Variants in CSPP1 observed in about 807,000 individuals in gnomAD.
CSPP1 encodes the protein centrosome and spindle pole associated protein 1, also known as centrosome and spindle pole-associated protein 1.
In CSPP1, 126 loss-of-function variants were observed where a neutral mutation model predicts 164.4. That is an observed-to-expected ratio of 0.77 (90% confidence interval 0.66 to 0.89). The LOEUF is 0.89. Among genes scored for constraint, CSPP1 ranks in the 40% least tolerant of loss-of-function variants. The pLI, the probability that CSPP1 is intolerant of heterozygous loss-of-function variation, is 0.00. For missense variants in CSPP1, 1,395 were observed against 1,449.8 expected, an observed-to-expected ratio of 0.96 and a Z score of 0.61; for synonymous variants, 472 against 476.7, an observed-to-expected ratio of 0.99 and a Z score of 0.13.
At chr8:67,078,743 A>G (rs1808495737) in intron 3 of CSPP1, among the ~76,000 whole-genome samples, 1 of 151,984 alleles carries the variant, frequency 6.6e-6, no homozygotes, top group Admixed American at 6.5e-5. Flanking sequence ...GGCTGAGGCC[A>G]GCAGATCACT....
chr8:67,085,192 G>A (rs983524101), intron 3 of CSPP1, among the ~76,000 whole-genome samples: 1 of 152,158 alleles, frequency 6.6e-6, no homozygotes, highest in East Asian at 1.9e-4. Context: ...GTACAACATT[G>A]TAAATGTACT....
intron 9 of CSPP1, 35 bp downstream of exon 9, chr8:67,106,010 TAG>T: frequency 9.6e-7 from 1 of 1,043,742 alleles, no homozygotes; most frequent in East Asian, 2.4e-5. Flanking sequence ...TGCGCTTGTA[TAG>T]AGTGTCTTAT....
intron 21 of CSPP1, 115 bp downstream of exon 21, chr8:67,159,252 C>T (rs1827253273): frequency 2.1e-6 from 2 of 962,652 alleles, no homozygotes; most frequent in East Asian, 4.8e-5. Flanking sequence ...TGTTCCTGTT[C>T]TGTCTTACTG....
At chr8:67,090,630 C>A (rs1811414963) in intron 4 of CSPP1, among the ~76,000 whole-genome samples, 1 of 152,176 alleles carries the variant, frequency 6.6e-6, no homozygotes, top group Non-Finnish European at 1.5e-5. Context: ...TAATTACTAT[C>A]TTTCCATAAT....
chr8:67,117,761 C>T (rs1818221387), intron 13 of CSPP1, among the ~76,000 whole-genome samples: 1 of 152,180 alleles, frequency 6.6e-6, no homozygotes, highest in Non-Finnish European at 1.5e-5. Context: ...AGCGTTGCCT[C>T]TTCTGGAAAG....
chr8:67,193,046 G>A (rs921421922), intron 29 of CSPP1, among the ~76,000 whole-genome samples: 2 of 152,120 alleles, frequency 1.3e-5, no homozygotes, highest in Admixed American at 6.6e-5. Context: ...CATAATATAC[G>A]TGCTCTATAT....
rs1472257760 is a variant in CSPP1 at position 67,196,467 on chromosome 8, T to TCTGA, written c.*877_*880dup. Among the ~76,000 whole-genome samples the TCTGA allele has an allele frequency of 2.6e-5, 4 of 152,200 alleles. No individual in the cohort carries two copies. Among genetic ancestry groups the TCTGA allele is most frequent in the Admixed American group, 2.6e-4 (4 of 15,282 alleles). ...AGAGTCATTCAAATAATTGTGACAT[T>TCTGA]CTGACTCAGATTAGAATCTCAGAAC... On this transcript the variant is annotated 3_prime_UTR_variant, in exon 31 of 31. Coordinates refer to ENST00000678616, the MANE Select transcript of CSPP1 (RefSeq NM_001382391.1).
intron 5 of CSPP1, among the ~76,000 whole-genome samples, chr8:67,092,607 C>A (rs949754600): frequency 6.6e-6 from 1 of 152,018 alleles, no homozygotes; most frequent in African/African-American, 2.4e-5. Context: ...CCAAGCCCCG[C>A]TAATTTTTTG....
At chr8:67,153,343 A>G (rs2129558865) in intron 18 of CSPP1, among the ~76,000 whole-genome samples, 1 of 152,336 alleles carries the variant, frequency 6.6e-6, no homozygotes, top group East Asian at 1.9e-4. Context: ...CTCTAAGGGT[A>G]TAATTGTTTT....
chr8:67,195,531 C>T lies in CSPP1; in HGVS notation c.3619C>T (p.Gln1207Ter), dbSNP rs936435444. Reference sequence around the variant, plus strand: ...GGCAGAGCAGCTGAACCAGGAGCAGCAGCAGATTCCTGGAAAACCAGGCAC... The same window carrying T: ...GGCAGAGCAGCTGAACCAGGAGCAGTAGCAGATTCCTGGAAAACCAGGCAC... ...FMAEQLNQEQQQIPGKPGTFT... is the reference protein window; with the variant it reads ...FMAEQLNQEQ Residue 1207 changes from glutamine to a stop codon, truncating the protein, a stop_gained, in exon 31 of 31, where the codon CAG becomes TAG. Coordinates refer to ENST00000678616, the MANE Select transcript of CSPP1 (RefSeq NM_001382391.1). LOFTEE classifies it high-confidence loss of function. The T allele has an allele frequency of 4.3e-6, 7 of 1,614,084 alleles. No individual in the cohort carries two copies. Among genetic ancestry groups the T allele is most frequent in the Non-Finnish European group, 5.9e-6 (7 of 1,180,048 alleles).
intron 7 of CSPP1, among the ~76,000 whole-genome samples, chr8:67,096,124 C>T (rs1320680484): frequency 6.6e-6 from 1 of 152,222 alleles, no homozygotes; most frequent in Non-Finnish European, 1.5e-5. Flanking sequence ...TTCAAGTTCA[C>T]AGTCCGAATT....
rs1481133590 is a variant in CSPP1 at position 67,196,439 on chromosome 8, GAA to G, written c.*848_*849del. Among the ~76,000 whole-genome samples, 1 of 151,816 alleles carries G rather than the reference GAA, an allele frequency of 6.6e-6. No individual in the cohort carries two copies. The highest frequency in any genetic ancestry group is 1.5e-5 in the Non-Finnish European group (1 of 68,028). On this transcript the variant is annotated 3_prime_UTR_variant, in exon 31 of 31. Coordinates refer to ENST00000678616, the MANE Select transcript of CSPP1 (RefSeq NM_001382391.1). The stretch of plus-strand genomic sequence containing the variant: ...TCAGTAAGTGATACTTCTAAAAAAG[GAA>G]AGAGTCATTCAAATAATTGTGACAT...
intron 8 of CSPP1, among the ~76,000 whole-genome samples, chr8:67,105,590 G>A (rs1158576344): frequency 6.6e-6 from 1 of 151,848 alleles, no homozygotes; most frequent in African/African-American, 2.4e-5. Context: ...CACCATATTG[G>A]CCAGGCTGGT....
intron 7 of CSPP1, 114 bp downstream of exon 7, chr8:67,095,846 A>C (rs1812644656): frequency 3.1e-6 from 2 of 649,062 alleles, no homozygotes; most frequent in East Asian, 5.6e-5. Flanking sequence ...GATTTATCAT[A>C]ATTAATTCTA....
chr8:67,119,804 A>G (rs577706209), intron 15 of CSPP1, among the ~76,000 whole-genome samples: 7 of 152,182 alleles, frequency 4.6e-5, no homozygotes, highest in Admixed American at 1.3e-4. Context: ...TGTATCAGGT[A>G]TTTGATTTGA....
chr8:67,150,465 C>G (rs1825503788), intron 18 of CSPP1, among the ~76,000 whole-genome samples: 1 of 151,706 alleles, frequency 6.6e-6, no homozygotes, highest in South Asian at 2.1e-4. Context: ...AGTGCAGTGG[C>G]ATAATCTCAG....
chr8:67,172,276 G>T (rs1280645858), intron 24 of CSPP1, 140 bp from the exon 25 acceptor site: 2 of 574,914 alleles, frequency 3.5e-6, no homozygotes, highest in Non-Finnish European at 6.0e-6. Flanking sequence ...TTACAAGTGT[G>T]AGCCACAGCA....
intron 27 of CSPP1, 99 bp downstream of exon 27, chr8:67,177,825 A>G (rs1832051047): frequency 2.3e-6 from 2 of 854,562 alleles, no homozygotes; most frequent in Non-Finnish European, 2.0e-6. Flanking sequence ...TTATTCAGGA[A>G]TATTGAATTA....
chr8:67,154,517 C>T (rs888939298), intron 19 of CSPP1, among the ~76,000 whole-genome samples: 2 of 152,134 alleles, frequency 1.3e-5, no homozygotes, highest in Non-Finnish European at 2.9e-5. Flanking sequence ...CAGGTGCCTG[C>T]CACCACGCCC....
Sources: allele counts gnomAD v4.1 joint callset (sites outside exome capture counted in the v4.1 genomes callset), GRCh38; gene constraint gnomAD v4.1.1; transcripts MANE v1.5; gene names NCBI Gene and HGNC (gene_info 2026-07-23, HGNC 2026-07-21).